Variants in CYRIA observed in about 807,000 individuals in gnomAD.
CYRIA encodes the protein CYFIP-related Rac1 interactor A.
CYRIA carries 15 observed loss-of-function variants against 43.9 expected under a neutral mutation model. The observed-to-expected ratio is 0.34, with a 90% CI of 0.23 to 0.53. The LOEUF is 0.53. Among genes scored for constraint, CYRIA ranks in the 20% least tolerant of loss-of-function variants. The pLI, the probability that CYRIA is intolerant of heterozygous loss-of-function variation, is 0.94. For missense variants in CYRIA, 236 were observed against 394.2 expected, an observed-to-expected ratio of 0.60 and a Z score of 3.40; for synonymous variants, 117 against 136.0, an observed-to-expected ratio of 0.86 and a Z score of 0.97.
intron 1 of CYRIA, among the ~76,000 whole-genome samples, chr2:16,659,988 T>G (rs1381563805): frequency 6.6e-6 from 1 of 152,032 alleles, no homozygotes; most frequent in African/African-American, 2.4e-5. Context: ...TTTATCAGGA[T>G]GCTCAGCCAG....
At chr2:16,586,986 C>A (rs1397006945) in intron 3 of CYRIA, among the ~76,000 whole-genome samples, 2 of 152,034 alleles carry the variant, frequency 1.3e-5, no homozygotes, top group Non-Finnish European at 2.9e-5. Context: ...TACTCATTCT[C>A]ATTTGTCAAT....
At chr2:16,591,224 G>A (rs1667919482) in intron 2 of CYRIA, among the ~76,000 whole-genome samples, 1 of 152,060 alleles carries the variant, frequency 6.6e-6, no homozygotes, top group African/African-American at 2.4e-5. Context: ...ATAAATAATG[G>A]AAGTAGGGAG....
chr2:16,577,407 AG>A (rs1383738802), intron 3 of CYRIA, among the ~76,000 whole-genome samples: 1 of 152,210 alleles, frequency 6.6e-6, no homozygotes, highest in Non-Finnish European at 1.5e-5. Context: ...AAATTCACAA[AG>A]AATATTGCGC....
At chr2:16,624,951 T>A (rs748708011) in intron 1 of CYRIA, among the ~76,000 whole-genome samples, 1 of 152,222 alleles carries the variant, frequency 6.6e-6, no homozygotes, top group South Asian at 2.1e-4. Flanking sequence ...AGAGATACAA[T>A]GCAGAAGCAG....
At chr2:16,598,323 G>A (rs1386942003) in intron 2 of CYRIA, among the ~76,000 whole-genome samples, 2 of 82,960 alleles carry the variant, frequency 2.4e-5, no homozygotes, top group Non-Finnish European at 4.3e-5. Flanking sequence ...ATCCTGCAGA[G>A]TGTTTTCCAA....
intron 2 of CYRIA, among the ~76,000 whole-genome samples, chr2:16,597,223 G>T (rs1390059949): frequency 9.8e-6 from 1 of 102,356 alleles, no homozygotes; most frequent in Non-Finnish European, 1.9e-5. Context: ...TTGGGGTTGA[G>T]AGTTCTGTAG....
chr2:16,572,700 CTT>C (rs1667180272), intron 3 of CYRIA, among the ~76,000 whole-genome samples: 1 of 152,160 alleles, frequency 6.6e-6, no homozygotes. Flanking sequence ...GATTTGAAGA[CTT>C]TAGAATTTCT....
At chr2:16,652,907 G>C (rs1391848419) in intron 1 of CYRIA, among the ~76,000 whole-genome samples, 1 of 152,056 alleles carries the variant, frequency 6.6e-6, no homozygotes, top group Non-Finnish European at 1.5e-5. Flanking sequence ...TTGTCCAGCT[G>C]GTTAATGGGG....
intron 3 of CYRIA, among the ~76,000 whole-genome samples, chr2:16,573,304 T>G (rs1301348954): frequency 6.6e-6 from 1 of 152,204 alleles, no homozygotes; most frequent in Non-Finnish European, 1.5e-5. Flanking sequence ...TACCAAGGCT[T>G]GATCCCTGAC....
At chr2:16,620,890 T>A (rs1352677657) in intron 2 of CYRIA, among the ~76,000 whole-genome samples, 1 of 152,164 alleles carries the variant, frequency 6.6e-6, no homozygotes, top group Non-Finnish European at 1.5e-5. Context: ...ACCTCCTTGC[T>A]TGGTTCCTGC....
chr2:16,592,826 T>C (rs12994846), intron 2 of CYRIA, among the ~76,000 whole-genome samples: 31,891 of 152,160 alleles, frequency 0.21, 3,792 homozygotes, highest in Admixed American at 0.29. Flanking sequence ...CAAAAAGCTG[T>C]ACTTCTCTAG....
chr2:16,657,970 CA>C (rs1306154113), intron 1 of CYRIA, among the ~76,000 whole-genome samples: 2 of 151,906 alleles, frequency 1.3e-5, no homozygotes, highest in African/African-American at 4.8e-5. Flanking sequence ...GTGTATGTGT[CA>C]AAAAATAGCT....
intron 3 of CYRIA, among the ~76,000 whole-genome samples, chr2:16,578,760 A>G (rs887894270): frequency 6.6e-6 from 1 of 152,190 alleles, no homozygotes; most frequent in Admixed American, 6.5e-5. Flanking sequence ...AGAACAGAGT[A>G]TCTGAGATCT....
At chr2:16,647,077 C>A (rs577177572) in intron 1 of CYRIA, among the ~76,000 whole-genome samples, 2 of 152,280 alleles carry the variant, frequency 1.3e-5, no homozygotes, top group Admixed American at 1.3e-4. Flanking sequence ...GTAGCCATAT[C>A]CGTATCCGTA....
intron 1 of CYRIA, among the ~76,000 whole-genome samples, chr2:16,642,300 C>T (rs1024736457): frequency 6.6e-6 from 1 of 152,164 alleles, no homozygotes; most frequent in Non-Finnish European, 1.5e-5. Flanking sequence ...CCTGCTCTAC[C>T]CACATTATTT....
intron 3 of CYRIA, among the ~76,000 whole-genome samples, chr2:16,576,430 C>A (rs1432772993): frequency 6.6e-6 from 1 of 152,124 alleles, no homozygotes; most frequent in Non-Finnish European, 1.5e-5. Flanking sequence ...TAAGTGGAAG[C>A]TAAGAAAGTT....
intron 1 of CYRIA, among the ~76,000 whole-genome samples, chr2:16,651,056 T>C (rs1669961736): frequency 1.3e-5 from 2 of 152,204 alleles, no homozygotes; most frequent in Non-Finnish European, 2.9e-5. Flanking sequence ...TGCTGACATG[T>C]ATGGAAGGCG....
intron 3 of CYRIA, among the ~76,000 whole-genome samples, chr2:16,583,677 C>T (rs1667627532): frequency 6.6e-6 from 1 of 152,132 alleles, no homozygotes; most frequent in South Asian, 2.1e-4. Flanking sequence ...AAACTGAAGC[C>T]ATCACTCGTG....
At chr2:16,578,125 T>C (rs1186458919) in intron 3 of CYRIA, among the ~76,000 whole-genome samples, 1 of 152,198 alleles carries the variant, frequency 6.6e-6, no homozygotes, top group South Asian at 2.1e-4. Context: ...AGACAAACTC[T>C]TCAGATCCCC....
Sources: allele counts gnomAD v4.1 joint callset (sites outside exome capture counted in the v4.1 genomes callset), GRCh38; gene constraint gnomAD v4.1.1; transcripts MANE v1.5; gene names NCBI Gene and HGNC (gene_info 2026-07-23, HGNC 2026-07-21).